The following STAT5A variants were observed in gnomAD, a reference collection of about 807,000 sequenced individuals.
The protein encoded by STAT5A is epididymis secretory sperm binding protein.
Under a neutral mutation model 100.2 loss-of-function variants are expected in STAT5A, and 26 were observed. The observed-to-expected ratio is 0.26, with a 90% confidence interval of 0.19 to 0.36. STAT5A has a LOEUF of 0.36. Among genes scored for constraint, STAT5A ranks in the 10% least tolerant of loss-of-function variants. The pLI is 1.00. For synonymous variants in STAT5A, 330 were observed against 424.3 expected, an observed-to-expected ratio of 0.78 and a Z score of 2.73; for missense variants, 634 against 1,027.5, an observed-to-expected ratio of 0.62 and a Z score of 5.24.
At chr17:42,301,248 G>T in intron 8 of STAT5A, 27 bp from the exon 9 acceptor site, 1 of 1,605,918 alleles carries the variant, frequency 6.2e-7, no homozygotes, top group South Asian at 1.1e-5. Flanking sequence ...ACCCCTCATC[G>T]TGTGTCTGTC....
rs1294535553 is a variant in STAT5A, at chr17:42,311,529, CA to C, written c.*861del. 1 of 152,430 alleles carries C rather than the reference CA, an allele frequency of 6.6e-6. No individual in the cohort carries two copies. The highest frequency in any genetic ancestry group is 2.4e-5 in the African/African-American group (1 of 41,422). 9.4% of individuals were successfully genotyped at this position (152,430 alleles called of 1,614,324 possible). A position where few individuals can be genotyped will look rare whatever the true frequency, so the allele number is the denominator to read the frequency against. On this transcript the variant is annotated 3_prime_UTR_variant, in exon 19 of 19. Coordinates refer to ENST00000590949, the MANE Select transcript of STAT5A (RefSeq NM_001288718.2). ...TTGGGTCTAGGATATGGTGGGTGGACAGGGGCCCCGGGACTTGGAGGGTTGG... is the reference window on the plus strand; with the variant it reads ...TTGGGTCTAGGATATGGTGGGTGGACGGGGCCCCGGGACTTGGAGGGTTGG...
At position 42,295,636 on chromosome 17, in the gene STAT5A, G is replaced by T. The variant is rs1051664611; in HGVS notation, c.393G>T (p.Gly131=). 3 of 1,613,666 alleles carry T rather than the reference G, an allele frequency of 1.9e-6. No homozygotes were observed. Among genetic ancestry groups the T allele is most frequent in the Non-Finnish European group, 1.7e-6 (2 of 1,179,854 alleles). ...GTCTCCAGTGCAGCTCTCCGGCTGG[G>T]ATCCTGGTTGACGCCATGTCCCAGA... ...REANNCSSPA[G]ILVDAMSQKH... Residue 131 remains glycine, a synonymous_variant, in exon 5 of 19, where the codon GGG becomes GGT. Transcript: ENST00000590949.
At position 42,308,376 on chromosome 17, in the gene STAT5A, T is replaced by C. The variant is rs756506473; in HGVS notation, c.2062+43T>C. ...ACCCTGCCGGCTGACTCCCCCGGGC[T>C]CTTCCCCAGCCCATAGACAAAGCCT... On this transcript the variant is annotated intron_variant, in intron 16 of 18. Transcript: ENST00000590949. The surrounding 1 kb of genome is among the most constrained non-coding windows in gnomAD (Gnocchi z 4.6). 6.2e-7 allele frequency: 1 copy of C among 1,613,398 alleles called. No homozygotes were observed. Among genetic ancestry groups the C allele is most frequent in the Admixed American group, 1.7e-5 (1 of 60,000 alleles).
intron 5 of STAT5A, among the ~76,000 whole-genome samples, chr17:42,299,398 T>C (rs1436609751): frequency 6.6e-6 from 1 of 152,200 alleles, no homozygotes; most frequent in Non-Finnish European, 1.5e-5. Context: ...GTCAAGGGCA[T>C]GGGCACACTT....
At position 42,309,362 on chromosome 17, in the gene STAT5A, C is replaced by T. The variant is rs2081058738; in HGVS notation, c.2115-15C>T. The T allele has an allele frequency of 6.2e-7, 1 of 1,611,986 alleles. No homozygotes were observed. The highest frequency in any genetic ancestry group is 8.5e-7 in the Non-Finnish European group (1 of 1,179,726). ...CCTCCCTGGTGGCTGAAGCTCTGTT[C>T]TCTTCCTTCTGCAGGTTTGTGAATG... On this transcript the variant is annotated splice_polypyrimidine_tract_variant and intron_variant, in intron 17 of 18. Coordinates refer to ENST00000590949, the MANE Select transcript of STAT5A (RefSeq NM_001288718.2).
In STAT5A at chr17:42,304,188, A is replaced by T. The variant is rs955158258; in HGVS notation, c.1170-154A>T. On this transcript the variant is annotated intron_variant, in intron 9 of 18. Transcript: ENST00000590949. This position sits in a 1 kb window ranked among gnomAD's most constrained non-coding sequence, Gnocchi z 4.8. ...GCACCAGGTTGATGGAGAAGTCAGT[A>T]ACCCAGAAAGACGCCAAGAAACACT... The T allele has an allele frequency of 1.5e-6, 1 of 683,202 alleles. No homozygotes were observed. Among genetic ancestry groups the T allele is most frequent in the Non-Finnish European group, 2.5e-6 (1 of 405,718 alleles). 42.3% of individuals were successfully genotyped at this position (683,202 alleles called of 1,614,324 possible). A position where few individuals can be genotyped will look rare whatever the true frequency, so the allele number is the denominator to read the frequency against.
Position 42,300,703 on chromosome 17 carries a change from G to A in STAT5A, c.834-12G>A. On this transcript the variant is annotated splice_polypyrimidine_tract_variant and intron_variant, in intron 7 of 18. Transcript: ENST00000590949. ...CCATTGTCCTCCTGTTGGCCTTGGGGCTCTCGTGCAGGTGTGAGAAGTTGG... is the reference window on the plus strand; with the variant it reads ...CCATTGTCCTCCTGTTGGCCTTGGGACTCTCGTGCAGGTGTGAGAAGTTGG... The A allele has an allele frequency of 6.2e-7, 1 of 1,613,766 alleles. No homozygotes were observed. Among genetic ancestry groups the A allele is most frequent in the Non-Finnish European group, 8.5e-7 (1 of 1,179,826 alleles).
chr17:42,302,390 A>G (rs1473175326), intron 9 of STAT5A, among the ~76,000 whole-genome samples: 1 of 152,044 alleles, frequency 6.6e-6, no homozygotes, highest in African/African-American at 2.4e-5. Flanking sequence ...TAAAGAAATG[A>G]CAGTCTTAGG....
intron 4 of STAT5A, among the ~76,000 whole-genome samples, chr17:42,293,109 A>G (rs762570781): frequency 1.7e-4 from 26 of 152,380 alleles, no homozygotes; most frequent in African/African-American, 6.3e-4. Context: ...ACTATCTGCA[A>G]TAGAGCAAAA....
At chr17:42,307,371 A>C (rs1250036009) in intron 13 of STAT5A, 31 bp from the exon 14 acceptor site, 1 of 1,607,488 alleles carries the variant, frequency 6.2e-7, no homozygotes, top group African/African-American at 1.3e-5. Context: ...CTGGGGCACC[A>C]GCCCTGACTC....
Position 42,308,622 on chromosome 17 carries a change from C to T in STAT5A, c.2062+289C>T. ...CAGCACTGTAGGGAGTGGCCGGGAT[C>T]ATTCGAGCCCACAGATAGTGCTCCG... On this transcript the variant is annotated intron_variant, in intron 16 of 18. Coordinates refer to ENST00000590949, the MANE Select transcript of STAT5A (RefSeq NM_001288718.2). The surrounding 1 kb of genome is among the most constrained non-coding windows in gnomAD (Gnocchi z 4.6). 1 of 513,900 alleles carries T rather than the reference C, an allele frequency of 1.9e-6. No individual in the cohort carries two copies. Among genetic ancestry groups the T allele is most frequent in the Non-Finnish European group, 3.5e-6 (1 of 285,320 alleles). The allele number at this position is 513,900 out of a possible 1,614,324, so 31.8% of individuals were successfully genotyped here.
At chr17:42,302,672 G>A (rs1028079749) in intron 9 of STAT5A, among the ~76,000 whole-genome samples, 6 of 152,178 alleles carry the variant, frequency 3.9e-5, no homozygotes, top group African/African-American at 7.2e-5. Flanking sequence ...GGTGGCTCAC[G>A]CCTGTAATCC....
Position 42,306,200 on chromosome 17 carries a change from T to A in STAT5A, c.1474-41T>A, listed in dbSNP as rs375733465. The stretch of plus-strand genomic sequence containing the variant: ...TTGTGTGTGTGTGAATATTTCCAAC[T>A]CCCTCAATCTACCTTTTCCCCTCTC... On this transcript the variant is annotated intron_variant, in intron 12 of 18. Coordinates refer to ENST00000590949, the MANE Select transcript of STAT5A (RefSeq NM_001288718.2). The A allele has an allele frequency of 3.1e-6, 5 of 1,613,900 alleles. No homozygotes were observed. In the African/African-American group the frequency reaches 5.3e-5, roughly 17 times the overall value.
Position 42,308,560 on chromosome 17 carries a change from T to C in STAT5A, c.2062+227T>C, listed in dbSNP as rs750186654. 2 of 613,936 alleles carry C rather than the reference T, an allele frequency of 3.3e-6. No individual in the cohort carries two copies. Among genetic ancestry groups the C allele is most frequent in the Non-Finnish European group, 5.6e-6 (2 of 356,936 alleles). The allele number at this position is 613,936 out of a possible 1,614,324, so 38.0% of individuals were successfully genotyped here. A position where few individuals can be genotyped will look rare whatever the true frequency, so the allele number is the denominator to read the frequency against. On this transcript the variant is annotated intron_variant, in intron 16 of 18. Coordinates refer to ENST00000590949, the MANE Select transcript of STAT5A (RefSeq NM_001288718.2). This position sits in a 1 kb window ranked among gnomAD's most constrained non-coding sequence, Gnocchi z 4.6. Reference sequence around the variant, plus strand: ...TCTTCTCTGCAAAGTGAAAGCTGCATGGATTCTCACTTCTGCACCCTCGGA... The same window carrying C: ...TCTTCTCTGCAAAGTGAAAGCTGCACGGATTCTCACTTCTGCACCCTCGGA...
chr17:42,309,314 C>T, intron 17 of STAT5A, 63 bp from the exon 18 acceptor site: 1 of 1,589,640 alleles, frequency 6.3e-7, no homozygotes. Context: ...CCCTCGGTCC[C>T]CTCCCCAAGT....
rs758087729 is a variant in STAT5A at position 42,310,659 on chromosome 17, C to G, written c.2375C>G (p.Ser792Cys). 6.2e-7 allele frequency: 1 copy of G among 1,614,160 alleles called. No individual in the cohort carries two copies. Among genetic ancestry groups the G allele is most frequent in the South Asian group, 1.1e-5 (1 of 91,082 alleles). ...GGTCTTTTCACCTCTGCCAGAGGCT[C>G]CCTCTCATGAATGTTTGAATCCCAC... ...PAGLFTSARG[S>C]LS Residue 792 changes from serine to cysteine, a missense_variant, in exon 19 of 19, where the codon TCC becomes TGC. Ser to Cys is a moderately radical substitution (Grantham distance 112). This residue lies in a region of STAT5A where 88 missense variants were observed against 95.1 expected (regional missense o/e 0.92). Transcript: ENST00000590949.
Position 42,306,381 on chromosome 17 carries a change from C to T in STAT5A, c.1614C>T (p.Phe538=). 1 of 1,614,156 alleles carries T rather than the reference C, an allele frequency of 6.2e-7. No individual in the cohort carries two copies. Among genetic ancestry groups the T allele is most frequent in the Non-Finnish European group, 8.5e-7 (1 of 1,180,016 alleles). ...TCGTGTTCCTGGCGCAGAAACTGTT[C>T]AACAACAGCAGCAGCCACCTGGAGG... ...ENLVFLAQKL[F]NNSSSHLEDY... is the part of the protein sequence containing the mutation. Residue 538 remains phenylalanine (F), a synonymous_variant, in exon 13 of 19, where the codon TTC becomes TTT. Transcript: ENST00000590949.
chr17:42,305,110 G>A (rs1315304160), intron 11 of STAT5A, among the ~76,000 whole-genome samples: 3 of 152,224 alleles, frequency 2.0e-5, no homozygotes, highest in African/African-American at 7.2e-5. Flanking sequence ...TGAGGCAGGA[G>A]GATCACTTGA....
chr17:42,288,551 C>G lies in STAT5A; in HGVS notation c.-58C>G, dbSNP rs576926186. Reference sequence around the variant, plus strand: ...AGGAACCCCGGCCGGGAGCGAGAGCCGCGGGGCGCAGAGCCGGCCCGGCTG... The same window carrying G: ...AGGAACCCCGGCCGGGAGCGAGAGCGGCGGGGCGCAGAGCCGGCCCGGCTG... On this transcript the variant is annotated 5_prime_UTR_variant, in exon 1 of 19. Coordinates refer to ENST00000590949, the MANE Select transcript of STAT5A (RefSeq NM_001288718.2). This position sits in a 1 kb window ranked among gnomAD's most constrained non-coding sequence, Gnocchi z 4.8. The G allele has an allele frequency of 6.5e-6, 1 of 152,974 alleles. No individual in the cohort carries two copies. Among genetic ancestry groups the G allele is most frequent in the Non-Finnish European group, 1.5e-5 (1 of 68,282 alleles). 9.5% of individuals were successfully genotyped at this position (152,974 alleles called of 1,614,324 possible). A position where few individuals can be genotyped will look rare whatever the true frequency, so the allele number is the denominator to read the frequency against.
Sources: gnomAD v4.1 joint callset for allele counts (sites outside exome capture counted in the v4.1 genomes callset) on GRCh38, gnomAD v4.1.1 for gene constraint, gnomAD v4.1.1 regional missense constraint, Gnocchi (gnomAD v3.1) non-coding constraint, MANE v1.5 for transcripts, NCBI Gene and HGNC (gene_info 2026-07-23, HGNC 2026-07-21) for gene names.